TMEM178B: variants seen among roughly 807,000 people sequenced by gnomAD.
TMEM178B encodes the protein transmembrane protein 178B.
In TMEM178B, 5 loss-of-function variants were observed where a neutral mutation model predicts 31.0. The observed-to-expected ratio is 0.16, with a 90% CI of 0.08 to 0.34. TMEM178B has a LOEUF of 0.34. Among genes scored for constraint, TMEM178B ranks in the 10% least tolerant of loss-of-function variants. The pLI is 1.00. For synonymous variants in TMEM178B, 164 were observed against 164.0 expected (o/e 1.00, Z 0.00); for missense variants, 275 against 400.3 (o/e 0.69, Z 2.67).
At chr7:141,334,528 A>G (rs1001563444) in intron 2 of TMEM178B, among the ~76,000 whole-genome samples, 8 of 152,114 alleles carry the variant, frequency 5.3e-5, no homozygotes, top group Admixed American at 3.3e-4. Flanking sequence ...TGGGCCAGCT[A>G]CCCTAGGCAG....
intron 2 of TMEM178B, among the ~76,000 whole-genome samples, chr7:141,221,136 G>A (rs1045573318): frequency 7.2e-5 from 11 of 152,226 alleles, no homozygotes; most frequent in African/African-American, 2.4e-4. Flanking sequence ...ATCTCAGTAA[G>A]AGGCATGGCC....
At chr7:141,243,647 C>T (rs7796662) in intron 2 of TMEM178B, among the ~76,000 whole-genome samples, 400 of 152,232 alleles carry the variant, frequency 2.6e-3, no homozygotes, top group Middle Eastern at 6.8e-3. Flanking sequence ...AATCCAGCTG[C>T]ACTCTTTGTG....
chr7:141,363,970 A>G (rs1586914027), intron 2 of TMEM178B, among the ~76,000 whole-genome samples: 1 of 151,742 alleles, frequency 6.6e-6, no homozygotes, highest in Non-Finnish European at 1.5e-5. Context: ...ATTAAATATT[A>G]AAGAATTTAA....
chr7:141,130,807 A>G (rs1378368276), intron 1 of TMEM178B, among the ~76,000 whole-genome samples: 2 of 152,196 alleles, frequency 1.3e-5, no homozygotes, highest in Non-Finnish European at 2.9e-5. Context: ...ACCATAGCCC[A>G]TGCATGCTTT....
rs114862688 is a variant in TMEM178B at position 141,392,679 on chromosome 7, A to G, written c.497-44929A>G. 1.3e-3 allele frequency among the ~76,000 whole-genome samples: 200 copies of G among 152,252 alleles called. 3 individuals carry two copies. The South Asian group carries it at 0.032, about 24-fold the overall frequency. On this transcript the variant is annotated intron_variant, in intron 2 of 3. Coordinates refer to ENST00000565468, the MANE Select transcript of TMEM178B (RefSeq NM_001195278.2). The stretch of plus-strand genomic sequence containing the variant: ...TTCTTTTTCCAAACCGGAATACAGT[A>G]ACCAAGGATCGCACATGGCAGGCCT...
At position 141,285,154 on chromosome 7, in the gene TMEM178B, CTTTTTTTTTTTTTTTT is replaced by C. The variant is rs1030685003; in HGVS notation, c.496+72459_496+72474del. ...AGGATCCAATTCAGGATTCTTGTTT[CTTTTTTTTTTTTTTTT>C]TTTTTTTTGAGACGTAGTCTCGCTT... On this transcript the variant is annotated intron_variant, in intron 2 of 3. Transcript: ENST00000565468. Among the ~76,000 whole-genome samples the C allele has an allele frequency of 1.1e-4, 6 of 52,810 alleles. No homozygotes were observed. The South Asian group carries it at 2.7e-3, about 24-fold the overall frequency. The allele number at this position is 52,810 out of a possible 152,430, so 34.6% of individuals were successfully genotyped here. A position where few individuals can be genotyped will look rare whatever the true frequency, so the allele number is the denominator to read the frequency against.
chr7:141,416,534 C>A (rs1201973834), intron 2 of TMEM178B: 1 of 152,192 alleles, frequency 6.6e-6, no homozygotes, highest in Non-Finnish European at 1.5e-5. Flanking sequence ...AATATTTTAC[C>A]CATCATACTT....
chr7:141,086,422 G>A (rs536040580), intron 1 of TMEM178B, among the ~76,000 whole-genome samples: 18 of 152,126 alleles, frequency 1.2e-4, no homozygotes, highest in Non-Finnish European at 1.9e-4. Context: ...ATTACATGAA[G>A]CATATGTATA....
At chr7:141,138,877 G>A (rs1014131939) in intron 1 of TMEM178B, among the ~76,000 whole-genome samples, 7 of 152,020 alleles carry the variant, frequency 4.6e-5, no homozygotes, top group East Asian at 1.9e-4. Flanking sequence ...CCAGCTACTC[G>A]GGAGGCTGAG....
At chr7:141,284,090 C>A (rs1174500163) in intron 2 of TMEM178B, among the ~76,000 whole-genome samples, 1 of 152,220 alleles carries the variant, frequency 6.6e-6, no homozygotes, top group Non-Finnish European at 1.5e-5. Context: ...CAATGCATTT[C>A]TACATGGTTG....
intron 3 of TMEM178B, among the ~76,000 whole-genome samples, chr7:141,444,099 G>A (rs565130205): frequency 1.1e-4 from 16 of 152,282 alleles, no homozygotes; most frequent in Admixed American, 3.9e-4. Context: ...AGAATCAGCC[G>A]TTTCTTCAAG....
At chr7:141,446,025 A>C (rs1342687448) in intron 3 of TMEM178B, among the ~76,000 whole-genome samples, 1 of 152,358 alleles carries the variant, frequency 6.6e-6, no homozygotes, top group South Asian at 2.1e-4. Flanking sequence ...CAATTAAAAC[A>C]AATCAGGGAG....
the TMEM178B span, among the ~76,000 whole-genome samples, chr7:141,506,441 C>T: frequency 4.6e-5 from 7 of 152,138 alleles, no homozygotes; most frequent in African/African-American, 1.2e-4. Context: ...TACATGGTGA[C>T]GGCAAGAGAA....
At chr7:141,207,970 G>T (rs1000424619) in intron 1 of TMEM178B, among the ~76,000 whole-genome samples, 1 of 151,980 alleles carries the variant, frequency 6.6e-6, no homozygotes. Flanking sequence ...TGGGCAGATC[G>T]CTTGAGCCTA....
At chr7:141,179,248 A>G (rs1417673231) in intron 1 of TMEM178B, among the ~76,000 whole-genome samples, 2 of 152,234 alleles carry the variant, frequency 1.3e-5, no homozygotes, top group Non-Finnish European at 2.9e-5. Context: ...TTTCTGGATA[A>G]AGGGCTATAT....
chr7:141,440,552 T>TC (rs1251018628), intron 3 of TMEM178B, among the ~76,000 whole-genome samples: 1 of 152,046 alleles, frequency 6.6e-6, no homozygotes, highest in Non-Finnish European at 1.5e-5. Flanking sequence ...AAGGACTATT[T>TC]CTCCATACTT....
At chr7:141,179,462 G>A (rs1178870098) in intron 1 of TMEM178B, among the ~76,000 whole-genome samples, 1 of 151,742 alleles carries the variant, frequency 6.6e-6, no homozygotes, top group East Asian at 1.9e-4. Context: ...TGAAATGGTT[G>A]CATGGATGCA....
chr7:141,161,820 G>GT (rs1796177462), intron 1 of TMEM178B, among the ~76,000 whole-genome samples: 3 of 151,880 alleles, frequency 2.0e-5, no homozygotes, highest in Non-Finnish European at 2.9e-5. Context: ...GAGTTTGTGA[G>GT]GGTGGTGAGT....
chr7:141,215,337 A>ACTATTTTTTT (rs1797113980), intron 2 of TMEM178B, among the ~76,000 whole-genome samples: 1 of 141,488 alleles, frequency 7.1e-6, no homozygotes. Flanking sequence ...TATTATTATT[A>ACTATTTTTTT]TTTTTTGAGA....
Sources: allele counts gnomAD v4.1 joint callset (sites outside exome capture counted in the v4.1 genomes callset), GRCh38; gene constraint gnomAD v4.1.1; transcripts MANE v1.5; gene names NCBI Gene and HGNC (gene_info 2026-07-23, HGNC 2026-07-21).